KDM3A: variants seen among roughly 807,000 people sequenced by gnomAD.
The protein encoded by KDM3A is lysine-specific demethylase 3A.
Under a neutral mutation model 158.0 loss-of-function variants are expected in KDM3A, and 60 were observed. The ratio of observed to expected loss-of-function variants is 0.38; its 90% confidence interval spans 0.31 to 0.47. The LOEUF (loss-of-function observed/expected upper bound fraction) is 0.47. Ranked by LOEUF, KDM3A falls within the 20% of genes least tolerant of loss-of-function variation. KDM3A has a pLI of 0.99. For synonymous variants in KDM3A, 608 were observed against 549.3 expected (o/e 1.11, Z -1.49); for missense variants, 1,319 against 1,574.3 (o/e 0.84, Z 2.74).
upstream of KDM3A, among the ~76,000 whole-genome samples, chr2:86,438,716 C>G (rs543569618): frequency 5.3e-5 from 8 of 151,712 alleles, no homozygotes; most frequent in Non-Finnish European, 1.2e-4. Flanking sequence ...TGACTAATAC[C>G]CCTAATTCTA....
rs752181163 is a variant in KDM3A at position 86,464,101 on chromosome 2, A to G, written c.892A>G (p.Lys298Glu). The G allele has an allele frequency of 1.2e-6, 2 of 1,612,600 alleles. No homozygotes were observed. The highest frequency in any genetic ancestry group is 2.7e-5 in the African/African-American group (2 of 74,828). The change falls in exon 9 of 26, where the codon AAG becomes GAG. Residue 298 changes from lysine (K) to glutamate (E), a missense_variant. Lys to Glu is a moderately conservative substitution (Grantham distance 56). Transcript: ENST00000312912. ...PVQSVPTTVFKEILLGCTAAT... is the reference protein window; with the variant it reads ...PVQSVPTTVFEEILLGCTAAT... ...GCAGTCTGTACCTACAACAGTTTTT[A>G]AGGAGATACTGCTTGGCTGTACTGC... is the stretch of plus-strand genomic sequence containing the variant.
intron 25 of KDM3A, chr2:86,491,795 A>T (rs1674468031): frequency 4.1e-6 from 2 of 488,326 alleles, no homozygotes; most frequent in Non-Finnish European, 7.3e-6. Flanking sequence ...CACTGTGAGT[A>T]GGTCTACGTG....
intron 23 of KDM3A, chr2:86,490,619 T>C: frequency 3.4e-6 from 1 of 296,352 alleles, no homozygotes. Flanking sequence ...GACTAAAATA[T>C]TGTTTAAATA....
chr2:86,442,772 G>A (rs1222064346), intron 2 of KDM3A, among the ~76,000 whole-genome samples: 1 of 152,140 alleles, frequency 6.6e-6, no homozygotes, highest in Non-Finnish European at 1.5e-5. Flanking sequence ...GGTCAGGGCA[G>A]GAGTGGGTTC....
rs1237679120 is a variant in KDM3A at position 86,464,087 on chromosome 2, C to G, written c.878C>G (p.Pro293Arg). 6.2e-7 allele frequency: 1 copy of G among 1,611,556 alleles called. No individual in the cohort carries two copies. The highest frequency in any genetic ancestry group is 8.5e-7 in the Non-Finnish European group (1 of 1,178,528). The change falls in exon 9 of 26, where the codon CCT (proline) becomes CGT (arginine). Residue 293 changes from proline to arginine, a missense_variant. By Grantham distance (103) the Pro-to-Arg change is moderately radical. This residue lies in a region of KDM3A where 652 missense variants were observed against 627.2 expected (regional missense o/e 1.04). Transcript: ENST00000312912. ...AGTATGTGTCCTGTGCAGTCTGTAC[C>G]TACAACAGTTTTTAAGGAGATACTG... ...SPSMCPVQSV[P>R]TTVFKEILLG...
intron 18 of KDM3A, chr2:86,482,895 C>G (rs1001649122): frequency 1.8e-6 from 1 of 565,028 alleles, no homozygotes; most frequent in African/African-American, 1.9e-5. Context: ...CTGGACTTTT[C>G]CAGTCAGGTT....
chr2:86,438,128 T>C (rs925953321), upstream of KDM3A, among the ~76,000 whole-genome samples: 12 of 152,148 alleles, frequency 7.9e-5, no homozygotes, highest in Admixed American at 3.3e-4. Flanking sequence ...ATATCCTTTA[T>C]AGAGTTATAA....
chr2:86,482,423 A>G, intron 17 of KDM3A, 35 bp from the exon 18 acceptor site: 6 of 1,605,132 alleles, frequency 3.7e-6, no homozygotes, highest in Non-Finnish European at 5.1e-6. Context: ...TAAGGGAATG[A>G]CATATTTGAG....
At position 86,455,726 on chromosome 2, in the gene KDM3A, G is replaced by C. The variant is rs780798637; in HGVS notation, c.556+539G>C. On this transcript the variant is annotated intron_variant, in intron 5 of 25. Transcript: ENST00000312912. ...TTGGGACATCCAAAGTGGGAGGATT[G>C]CTTGAGCCTAGGATAGGAGTTCAAG... 2.8e-4 allele frequency among the ~76,000 whole-genome samples: 43 copies of C among 151,910 alleles called. 1 individual carries two copies. The highest frequency in any genetic ancestry group is 1.9e-3 in the Admixed American group (29 of 15,248).
At chr2:86,455,294 C>CTTTT in intron 5 of KDM3A, 107 bp downstream of exon 5, 2 of 538,448 alleles carry the variant, frequency 3.7e-6, no homozygotes, top group Admixed American at 4.1e-5. Context: ...TTTCTTTTTT[C>CTTTT]TTTTTTTTTT....
chr2:86,442,004 T>C lies in KDM3A; in HGVS notation c.-30-14T>C, dbSNP rs1413438774. 1.9e-6 allele frequency: 3 copies of C among 1,604,706 alleles called. No homozygotes were observed. The highest frequency in any genetic ancestry group is 1.7e-5 in the Admixed American group (1 of 59,910). ...CGGCCGCCCCCGTCGCATTTTGTTTTTGTGTTTTTGCAGGGAGGAGCTCTT... is the reference window on the plus strand; with the variant it reads ...CGGCCGCCCCCGTCGCATTTTGTTTCTGTGTTTTTGCAGGGAGGAGCTCTT... On this transcript the variant is annotated splice_polypyrimidine_tract_variant and intron_variant, in intron 1 of 25. Transcript: ENST00000312912.
chr2:86,441,766 C>T (rs955977683), intron 1 of KDM3A, among the ~76,000 whole-genome samples: 1 of 150,840 alleles, frequency 6.6e-6, no homozygotes, highest in Non-Finnish European at 1.5e-5. Context: ...CCCTCACTCC[C>T]TCTGCGGTTG....
chr2:86,480,263 A>G lies in KDM3A; in HGVS notation c.2413A>G (p.Lys805Glu), dbSNP rs753960805. ...AGCTGTGGGTGGGGAAGCAGCCTCC[A>G]AGCCAGCCGGCAGCATGAAGCCTGC... ...PAAVGGEAAS[K>E]PAGSMKPACP... Residue 805 changes from lysine (K) to glutamate (E), a missense_variant, in exon 16 of 26, where the codon AAG (lysine) becomes GAG (glutamate). Physicochemically the swap from Lys to Glu is moderately conservative, Grantham distance 56. Around this residue, in one of 4 missense-constraint regions of KDM3A, gnomAD observed 368 missense variants for 415.8 expected, o/e 0.89. Coordinates refer to ENST00000312912, the MANE Select transcript of KDM3A (RefSeq NM_018433.6). 1 of 1,613,972 alleles carries G rather than the reference A, an allele frequency of 6.2e-7. No individual in the cohort carries two copies. The highest frequency in any genetic ancestry group is 8.5e-7 in the Non-Finnish European group (1 of 1,180,038).
chr2:86,442,317 T>A, intron 2 of KDM3A, 84 bp downstream of exon 2: 4 of 1,307,464 alleles, frequency 3.1e-6, no homozygotes, highest in Non-Finnish European at 4.2e-6. Flanking sequence ...TTCCGTTTTC[T>A]GAAAACGGAG....
At chr2:86,456,927 C>G in intron 7 of KDM3A, 50 bp downstream of exon 7, 1 of 1,565,138 alleles carries the variant, frequency 6.4e-7, no homozygotes, top group South Asian at 1.1e-5. Context: ...TTCCTCCGTT[C>G]TTCTCACATT....
chr2:86,442,422 G>C, intron 2 of KDM3A, 189 bp downstream of exon 2: 1 of 581,892 alleles, frequency 1.7e-6, no homozygotes, highest in Non-Finnish European at 3.0e-6. Flanking sequence ...TTGGCCCACA[G>C]CTCCTGGCTG....
Position 86,489,564 on chromosome 2 carries a change from A to T in KDM3A, c.3478A>T (p.Ile1160Leu). 3.1e-6 allele frequency: 5 copies of T among 1,614,046 alleles called. No homozygotes were observed. The highest frequency in any genetic ancestry group is 4.2e-6 in the Non-Finnish European group (5 of 1,179,974). ...AGATGGAGATTCTGACGAACTCACA[A>T]TAAAGCGATTTATTGAAGGAAAAGA... ...IQDGDSDELT[I>L]KRFIEGKEKP... The change falls in exon 23 of 26, where the codon ATA becomes TTA. Residue 1160 changes from isoleucine to leucine, a missense_variant. By Grantham distance (5) the Ile-to-Leu change is conservative. Transcript: ENST00000312912.
chr2:86,455,123 G>A lies in KDM3A; in HGVS notation c.492G>A (p.Gln164=). ...NSLRLSLTDN[Q]IVSKEFQALI... ...TTCGACTTTCTCTTACGGATAATCAGATTGTCAGTAAAGAATTTCAAGCTT... is the reference window on the plus strand; with the variant it reads ...TTCGACTTTCTCTTACGGATAATCAAATTGTCAGTAAAGAATTTCAAGCTT... Residue 164 remains glutamine (Q), a synonymous_variant, in exon 5 of 26, where the codon CAG becomes CAA. Coordinates refer to ENST00000312912, the MANE Select transcript of KDM3A (RefSeq NM_018433.6). The A allele has an allele frequency of 6.2e-7, 1 of 1,604,392 alleles. No homozygotes were observed.
rs144713807 is a variant in KDM3A, at chr2:86,490,954, G to T, written c.3647G>T (p.Arg1216Leu). 1 of 1,613,782 alleles carries T rather than the reference G, an allele frequency of 6.2e-7. No homozygotes were observed. Among genetic ancestry groups the T allele is most frequent in the African/African-American group, 1.3e-5 (1 of 74,914 alleles). Residue 1216 changes from arginine to leucine, a missense_variant, in exon 24 of 26, where the codon CGA becomes CTA. Coordinates refer to ENST00000312912, the MANE Select transcript of KDM3A (RefSeq NM_018433.6). ...PIHDQSWYLD[R>L]SLRKRLHQEY... is the part of the protein sequence containing the mutation. Reference sequence around the variant, plus strand: ...CATGATCAAAGCTGGTATTTAGACCGATCATTAAGAAAACGTCTTCATCAA... The same window carrying T: ...CATGATCAAAGCTGGTATTTAGACCTATCATTAAGAAAACGTCTTCATCAA...
Sources: gnomAD v4.1 joint callset for allele counts (sites outside exome capture counted in the v4.1 genomes callset) on GRCh38, gnomAD v4.1.1 for gene constraint, gnomAD v4.1.1 regional missense constraint, MANE v1.5 for transcripts, NCBI Gene and HGNC (gene_info 2026-07-23, HGNC 2026-07-21) for gene names.